Variants in VWA3A observed in about 807,000 individuals in gnomAD.
VWA3A encodes von Willebrand factor A domain containing 3A, also known as von Willebrand factor A domain-containing protein 3A.
A neutral mutation model predicts 160.4 loss-of-function variants in VWA3A; 134 were observed. That is an observed-to-expected ratio of 0.84 (90% CI 0.73 to 0.96). VWA3A has a LOEUF of 0.96. VWA3A is among the 40% of genes least tolerant of loss of function. The probability of loss-of-function intolerance (pLI) is 0.00; values close to 1 mark genes in which losing one functional copy is unlikely to be tolerated. For missense variants in VWA3A, 1,310 were observed against 1,447.9 expected, an observed-to-expected ratio of 0.90 and a Z score of 1.55; for synonymous variants, 476 against 543.4, an observed-to-expected ratio of 0.88 and a Z score of 1.72.
At chr16:22,139,201 G>A (rs891169725) in intron 22 of VWA3A, among the ~76,000 whole-genome samples, 6 of 152,166 alleles carry the variant, frequency 3.9e-5, no homozygotes, top group Non-Finnish European at 8.8e-5. Flanking sequence ...GTGCAGCCGG[G>A]TTCTGCCCTC....
Position 22,096,934 on chromosome 16 carries a change from G to A in VWA3A, c.90G>A (p.Leu30=). 2 of 1,536,520 alleles carry A rather than the reference G, an allele frequency of 1.3e-6. No individual in the cohort carries two copies. The highest frequency in any genetic ancestry group is 1.8e-6 in the Non-Finnish European group (2 of 1,135,244). ...TCCATGGTCAAGAAAATATGTTTCT[G>A]GAAAACCATTGGTAAGCATAGTTCT... is the stretch of plus-strand genomic sequence containing the variant. ...HVFHGQENMF[L]ENHCIRRNTG... The change falls in exon 2 of 34, where the codon CTG becomes CTA. Residue 30 remains leucine, a synonymous_variant. Coordinates refer to ENST00000389398, the MANE Select transcript of VWA3A (RefSeq NM_173615.5).
chr16:22,127,445 T>A (rs1427198477), intron 17 of VWA3A, among the ~76,000 whole-genome samples: 1 of 152,040 alleles, frequency 6.6e-6, no homozygotes, highest in East Asian at 1.9e-4. Context: ...ATATATATAG[T>A]TTTTTAAATT....
intron 8 of VWA3A, among the ~76,000 whole-genome samples, chr16:22,114,149 CA>C (rs2045597526): frequency 6.6e-6 from 1 of 152,016 alleles, no homozygotes; most frequent in Non-Finnish European, 1.5e-5. Flanking sequence ...TCTCGCTGTT[CA>C]AAAGGGAGAC....
At chr16:22,143,020 C>G (rs1478746420) in intron 25 of VWA3A, among the ~76,000 whole-genome samples, 1 of 151,888 alleles carries the variant, frequency 6.6e-6, no homozygotes, top group African/African-American at 2.4e-5. Context: ...TGCAGTGGCA[C>G]GCACCTGTAC....
At chr16:22,137,135 G>A (rs2046060277) in intron 21 of VWA3A, among the ~76,000 whole-genome samples, 1 of 151,994 alleles carries the variant, frequency 6.6e-6, no homozygotes, top group African/African-American at 2.4e-5. Context: ...CTTACCCTCA[G>A]GTGCACATAG....
rs2045863525 is a variant in VWA3A at position 22,127,079 on chromosome 16, T to A, written c.1652+782T>A. 2.0e-5 allele frequency among the ~76,000 whole-genome samples: 3 copies of A among 150,202 alleles called. No homozygotes were observed. In the East Asian group the frequency reaches 5.8e-4, roughly 29 times the overall value. On this transcript the variant is annotated intron_variant, in intron 17 of 33. Transcript: ENST00000389398. ...ATATTTTATATATAATTAAATATAG[T>A]ACATATCTAGCATTTTTAATTTAAA...
chr16:22,138,907 G>A (rs2046093716), intron 22 of VWA3A, among the ~76,000 whole-genome samples: 1 of 152,106 alleles, frequency 6.6e-6, no homozygotes, highest in Admixed American at 6.5e-5. Flanking sequence ...GAGGCTGATA[G>A]GAGCCTGAGG....
chr16:22,130,968 C>T (rs149341126), intron 17 of VWA3A, among the ~76,000 whole-genome samples: 1 of 152,242 alleles, frequency 6.6e-6, no homozygotes, highest in Admixed American at 6.5e-5. Context: ...CACGCCATAG[C>T]TCAATGCTTC....
At chr16:22,141,097 G>A in intron 23 of VWA3A, 1 of 434,022 alleles carries the variant, frequency 2.3e-6, no homozygotes, top group Non-Finnish European at 4.6e-6. Flanking sequence ...TGAGGCTCAG[G>A]GGGGTAAGGA....
intron 17 of VWA3A, among the ~76,000 whole-genome samples, chr16:22,129,446 T>G (rs2045910870): frequency 6.7e-6 from 1 of 149,730 alleles, no homozygotes; most frequent in Non-Finnish European, 1.5e-5. Context: ...GAAGAGATTT[T>G]GGGGAGTTAG....
chr16:22,103,600 T>C (rs756055453), intron 6 of VWA3A, 71 bp downstream of exon 6: 3 of 1,516,108 alleles, frequency 2.0e-6, no homozygotes, highest in South Asian at 2.4e-5. Context: ...ACCCTTTCAG[T>C]TGCAAATGTA....
intron 28 of VWA3A, among the ~76,000 whole-genome samples, chr16:22,149,085 C>T (rs113325737): frequency 2.0e-5 from 3 of 152,130 alleles, no homozygotes; most frequent in African/African-American, 7.2e-5. Context: ...ATGCTTTACA[C>T]GCATCATTTC....
rs369476023 is a variant in VWA3A at position 22,131,272 on chromosome 16, G to T, written c.1720G>T (p.Ala574Ser). ...VPVSHNNLQS[A>S]WRWALNLRCR... ...CGTGAGTCACAACAATTTACAAAGT[G>T]CCTGGCGGTAGGTTATGGGCAGAGA... is the stretch of plus-strand genomic sequence containing the variant. Residue 574 changes from alanine (A) to serine (S), a missense_variant, in exon 18 of 34, where the codon GCC (alanine) becomes TCC (serine). Ala to Ser is a moderately conservative substitution (Grantham distance 99). Coordinates refer to ENST00000389398, the MANE Select transcript of VWA3A (RefSeq NM_173615.5). 6.2e-7 allele frequency: 1 copy of T among 1,613,924 alleles called. No individual in the cohort carries two copies. Among genetic ancestry groups the T allele is most frequent in the South Asian group, 1.1e-5 (1 of 91,030 alleles).
rs997997284 is a variant in VWA3A, at chr16:22,156,631, G to C, written c.*614G>C. On this transcript the variant is annotated 3_prime_UTR_variant, in exon 34 of 34. Transcript: ENST00000389398. ...AACAGTGAGCAGGCGGCTGAGCTGT[G>C]AGAGCCTAGCTCTGGAAAGCAGCTG... The C allele has an allele frequency of 6.6e-6, 1 of 152,222 alleles. No homozygotes were observed. Among genetic ancestry groups the C allele is most frequent in the Non-Finnish European group, 1.5e-5 (1 of 68,076 alleles). 9.4% of individuals were successfully genotyped at this position (152,222 alleles called of 1,614,324 possible).
At chr16:22,119,055 G>A (rs1458756179) in intron 12 of VWA3A, 28 bp downstream of exon 12, 4 of 1,582,842 alleles carry the variant, frequency 2.5e-6, no homozygotes, top group South Asian at 1.1e-5. Context: ...CAATTCTGGG[G>A]CCTTCTCCCA....
chr16:22,092,753 G>A (rs1203735116), intron 1 of VWA3A, 102 bp downstream of exon 1: 16 of 1,448,708 alleles, frequency 1.1e-5, no homozygotes, highest in Non-Finnish European at 1.5e-5. Flanking sequence ...GGAGCTTGGG[G>A]TGTGAAGTGT....
At chr16:22,097,191 C>T (rs942208422) in intron 2 of VWA3A, among the ~76,000 whole-genome samples, 1 of 151,844 alleles carries the variant, frequency 6.6e-6, no homozygotes, top group Non-Finnish European at 1.5e-5. Context: ...GGTCTCGATC[C>T]CCTGACCTCA....
At chr16:22,092,721 TG>T (rs563493776) in intron 1 of VWA3A, 70 bp downstream of exon 1, 376 of 1,538,084 alleles carry the variant, frequency 2.4e-4, no homozygotes, top group African/African-American at 2.4e-3. Flanking sequence ...TACTAAGCTC[TG>T]GACTGAGTGA....
Position 22,118,909 on chromosome 16 carries a change from C to T in VWA3A, c.998C>T (p.Thr333Ile), listed in dbSNP as rs772447286. 5.6e-6 allele frequency: 9 copies of T among 1,613,866 alleles called. No individual in the cohort carries two copies. The highest frequency in any genetic ancestry group is 7.6e-6 in the Non-Finnish European group (9 of 1,179,840). ...HCYSPKMEHY[T>I]SRDMDELLAE... ...TGCTCTTGCCACCCTCAGCACTACA[C>T]CAGCCGGGACATGGATGAGCTCCTG... The change falls in exon 12 of 34, where the codon ACC (threonine) becomes ATC (isoleucine). Residue 333 changes from threonine to isoleucine, a missense_variant. Coordinates refer to ENST00000389398, the MANE Select transcript of VWA3A (RefSeq NM_173615.5).
Sources: gnomAD v4.1 joint callset for allele counts (sites outside exome capture counted in the v4.1 genomes callset) on GRCh38, gnomAD v4.1.1 for gene constraint, MANE v1.5 for transcripts, NCBI Gene and HGNC (gene_info 2026-07-23, HGNC 2026-07-21) for gene names.